EFCAB5: variants seen among roughly 807,000 people sequenced by gnomAD.
EFCAB5 encodes EF-hand calcium binding domain 5, also known as EF-hand calcium-binding domain-containing protein 5.
A neutral mutation model predicts 167.9 loss-of-function variants in EFCAB5; 131 were observed. The observed-to-expected ratio is 0.78, with a 90% CI of 0.68 to 0.90. The LOEUF (loss-of-function observed/expected upper bound fraction) is 0.90, where lower values mean the gene tolerates loss of function less well. Ranked by LOEUF, EFCAB5 falls within the 40% of genes least tolerant of loss-of-function variation. EFCAB5 has a pLI of 0.00. For missense variants in EFCAB5, 1,663 were observed against 1,745.2 expected, an observed-to-expected ratio of 0.95 and a Z score of 0.84; for synonymous variants, 574 against 602.8, an observed-to-expected ratio of 0.95 and a Z score of 0.70.
At position 30,053,805 on chromosome 17, in the gene EFCAB5, T is replaced by A; in HGVS notation, c.1851T>A (p.Asp617Glu). 6.2e-7 allele frequency: 1 copy of A among 1,613,664 alleles called. No individual in the cohort carries two copies. The highest frequency in any genetic ancestry group is 8.5e-7 in the Non-Finnish European group (1 of 1,179,820). The stretch of plus-strand genomic sequence containing the variant: ...GCAGAGAGTCTATTGCAGAACAAGA[T>A]CGACACAAAGGGTCAGTAGCAGAAC... ...GSRRESIAEQ[D>E]RHKGSVAEQG... The change falls in exon 10 of 23, where the codon GAT becomes GAA. Residue 617 changes from aspartate to glutamate, a missense_variant. By Grantham distance (45) the Asp-to-Glu change is conservative. Transcript: ENST00000394835.
intron 3 of EFCAB5, among the ~76,000 whole-genome samples, chr17:29,953,021 G>T (rs773720723): frequency 6.6e-6 from 1 of 152,044 alleles, no homozygotes; most frequent in Admixed American, 6.6e-5. Context: ...GTTAAAAATA[G>T]CGAGTTTACC....
chr17:30,023,804 C>A (rs1260128262), intron 7 of EFCAB5, among the ~76,000 whole-genome samples: 1 of 152,116 alleles, frequency 6.6e-6, no homozygotes, highest in Non-Finnish European at 1.5e-5. Flanking sequence ...CAAACCGAAT[C>A]CAGCAACACA....
rs1176455880 is a variant in EFCAB5, at chr17:30,004,251, G to A, written c.1044+4275G>A. Among the ~76,000 whole-genome samples the A allele has an allele frequency of 2.0e-5, 3 of 152,232 alleles. No homozygotes were observed. The East Asian group carries it at 5.8e-4, about 29-fold the overall frequency. ...TAGCTTCTCCTGCATCTATCACTAT[G>A]AGACTTGGGATCTTATTTGCATCTT... On this transcript the variant is annotated intron_variant, in intron 7 of 22. Coordinates refer to ENST00000394835, the MANE Select transcript of EFCAB5 (RefSeq NM_198529.4).
At chr17:29,953,588 C>T (rs2067555153) in intron 3 of EFCAB5, among the ~76,000 whole-genome samples, 1 of 152,160 alleles carries the variant, frequency 6.6e-6, no homozygotes, top group South Asian at 2.1e-4. Context: ...GTGAGGCCTC[C>T]CCAGCCACAT....
At chr17:29,955,029 A>G (rs1044011595) in intron 3 of EFCAB5, among the ~76,000 whole-genome samples, 1 of 152,176 alleles carries the variant, frequency 6.6e-6, no homozygotes, top group Non-Finnish European at 1.5e-5. Context: ...TGTATACCCA[A>G]TGCCTGTACC....
chr17:30,089,102 C>T (rs567199806), intron 19 of EFCAB5, among the ~76,000 whole-genome samples: 1 of 152,194 alleles, frequency 6.6e-6, no homozygotes, highest in East Asian at 1.9e-4. Flanking sequence ...CCCTCCACCC[C>T]ACGACAGGCC....
chr17:30,041,831 C>T (rs1469001225), intron 8 of EFCAB5, among the ~76,000 whole-genome samples: 1 of 152,126 alleles, frequency 6.6e-6, no homozygotes. Flanking sequence ...AAGGTACAAC[C>T]CTCCACCAGC....
In EFCAB5 at chr17:30,082,978, C is replaced by T; in HGVS notation, c.3514C>T (p.Leu1172Phe). The change falls in exon 18 of 23, where the codon CTT becomes TTT. Residue 1172 changes from leucine to phenylalanine, a missense_variant. By Grantham distance (22) the Leu-to-Phe change is conservative. Coordinates refer to ENST00000394835, the MANE Select transcript of EFCAB5 (RefSeq NM_198529.4). ...LHIVITGIGW[L>F]YDVTSSITSI... ...TATTGTGATCACTGGCATAGGCTGG[C>T]TTTATGACGTCACATCCAGCATCAC... is the stretch of plus-strand genomic sequence containing the variant. The T allele has an allele frequency of 6.2e-7, 1 of 1,614,002 alleles. No individual in the cohort carries two copies. Among genetic ancestry groups the T allele is most frequent in the Non-Finnish European group, 8.5e-7 (1 of 1,179,886 alleles).
chr17:29,972,083 G>T (rs2067965790), intron 4 of EFCAB5, among the ~76,000 whole-genome samples: 1 of 151,704 alleles, frequency 6.6e-6, no homozygotes, highest in African/African-American at 2.4e-5. Context: ...TGTCGCCCAG[G>T]CTGGAGTGCA....
chr17:29,953,072 C>T (rs1394143652), intron 3 of EFCAB5, among the ~76,000 whole-genome samples: 1 of 151,890 alleles, frequency 6.6e-6, no homozygotes, highest in Non-Finnish European at 1.5e-5. Context: ...TAAGGGGCAC[C>T]CAAATAGGAA....
chr17:29,941,767 T>C lies in EFCAB5; in HGVS notation c.-30T>C, dbSNP rs372549182. 2 of 1,565,416 alleles carry C rather than the reference T, an allele frequency of 1.3e-6. No individual in the cohort carries two copies. The highest frequency in any genetic ancestry group is 1.2e-5 in the South Asian group (1 of 86,938). On this transcript the variant is annotated 5_prime_UTR_variant, in exon 1 of 23. Transcript: ENST00000394835. ...ATACTGGTCTAGTAATATTCTTCTATACCATTTGGTGATAACTTTTGGAGT... is the reference window on the plus strand; with the variant it reads ...ATACTGGTCTAGTAATATTCTTCTACACCATTTGGTGATAACTTTTGGAGT...
intron 7 of EFCAB5, among the ~76,000 whole-genome samples, chr17:30,009,179 C>T (rs1254279289): frequency 6.6e-6 from 1 of 152,190 alleles, no homozygotes; most frequent in African/African-American, 2.4e-5. Flanking sequence ...ACTCTTTTCC[C>T]ATATAAGGAA....
intron 3 of EFCAB5, among the ~76,000 whole-genome samples, chr17:29,957,439 GC>G (rs1371818281): frequency 6.6e-6 from 1 of 152,020 alleles, no homozygotes; most frequent in Non-Finnish European, 1.5e-5. Context: ...TAGGTATTAA[GC>G]CCCACATGTA....
At chr17:30,034,614 G>T (rs2069570094) in intron 8 of EFCAB5, among the ~76,000 whole-genome samples, 2 of 152,106 alleles carry the variant, frequency 1.3e-5, no homozygotes, top group African/African-American at 4.8e-5. Flanking sequence ...TGTCCAGAAA[G>T]AATTTAAGTA....
chr17:29,946,562 A>T (rs1019963291), intron 3 of EFCAB5, among the ~76,000 whole-genome samples: 5 of 147,666 alleles, frequency 3.4e-5, no homozygotes, highest in Admixed American at 1.4e-4. Context: ...TCAGCCTCCC[A>T]AGTAATTGGG....
intron 14 of EFCAB5, chr17:30,068,751 G>A (rs1567756140): frequency 7.0e-7 from 1 of 1,430,222 alleles, no homozygotes; most frequent in Non-Finnish European, 9.9e-7. Context: ...TGTTCCGCAG[G>A]AGTCCCTGGC....
At chr17:30,067,391 G>T (rs1188703974) in intron 14 of EFCAB5, among the ~76,000 whole-genome samples, 3 of 152,114 alleles carry the variant, frequency 2.0e-5, no homozygotes, top group African/African-American at 7.2e-5. Flanking sequence ...AGGGCAGGAG[G>T]CTCACTTGAG....
Position 29,992,001 on chromosome 17 carries a change from A to G in EFCAB5, c.768-1164A>G, listed in dbSNP as rs142483530. Among the ~76,000 whole-genome samples, 32 of 152,356 alleles carry G rather than the reference A, an allele frequency of 2.1e-4. 1 individual carries two copies. Among genetic ancestry groups the G allele is most frequent in the African/African-American group, 7.2e-4 (30 of 41,580 alleles). ...TGAAATCAAACAAATTAGCATATCT[A>G]TCACCTCAAATACATATCATTTTTT... On this transcript the variant is annotated intron_variant, in intron 4 of 22. Coordinates refer to ENST00000394835, the MANE Select transcript of EFCAB5 (RefSeq NM_198529.4).
At chr17:30,045,590 G>A (rs2069902122) in intron 8 of EFCAB5, among the ~76,000 whole-genome samples, 1 of 151,868 alleles carries the variant, frequency 6.6e-6, no homozygotes, top group Non-Finnish European at 1.5e-5. Context: ...CTTAAAATTG[G>A]TACATTTTAT....
Sources: gnomAD v4.1 joint callset for allele counts (sites outside exome capture counted in the v4.1 genomes callset) on GRCh38, gnomAD v4.1.1 for gene constraint, MANE v1.5 for transcripts, NCBI Gene and HGNC (gene_info 2026-07-23, HGNC 2026-07-21) for gene names.